The following TEC variants were observed in gnomAD, a reference collection of about 807,000 sequenced individuals.
TEC encodes tyrosine-protein kinase Tec.
In TEC, 72 loss-of-function variants were observed where a neutral mutation model predicts 93.0. That is an observed-to-expected ratio of 0.77 (90% CI 0.64 to 0.94). The LOEUF (loss-of-function observed/expected upper bound fraction) is 0.94. Among genes scored for constraint, TEC ranks in the 40% least tolerant of loss-of-function variants. TEC has a pLI of 0.00. For synonymous variants in TEC, 249 were observed against 247.7 expected (o/e 1.01, Z -0.05); for missense variants, 630 against 757.9 (o/e 0.83, Z 1.98).
At position 48,137,484 on chromosome 4, in the gene TEC, G is replaced by A; in HGVS notation, c.1828C>T (p.Pro610Ser). 1 of 1,613,998 alleles carries A rather than the reference G, an allele frequency of 6.2e-7. No individual in the cohort carries two copies. The highest frequency in any genetic ancestry group is 2.2e-5 in the East Asian group (1 of 44,878). The change falls in exon 18 of 18, where the codon CCT becomes TCT. Residue 610 changes from proline to serine, a missense_variant. Coordinates refer to ENST00000381501, the MANE Select transcript of TEC (RefSeq NM_003215.3). ...GTGCGCAGCAGATCTTCGAAAGAAG[G>A]CCTTCCCTCTGGTTTCTACAATTAA... ...RCWQEKPEGR[P>S]SFEDLLRTID...
intron 1 of TEC, among the ~76,000 whole-genome samples, chr4:48,237,824 GT>G (rs1002743447): frequency 1.3e-5 from 2 of 152,136 alleles, no homozygotes; most frequent in Non-Finnish European, 2.9e-5. Flanking sequence ...TTATGACAAA[GT>G]TACCATTTGC....
intron 2 of TEC, among the ~76,000 whole-genome samples, chr4:48,182,533 C>CTGTGTGTG (rs1398958542): frequency 4.2e-5 from 3 of 71,852 alleles, no homozygotes; most frequent in Non-Finnish European, 8.2e-5. Flanking sequence ...ATGGGCAATA[C>CTGTGTGTG]TCTGTGTGTG....
At position 48,135,986 on chromosome 4, in the gene TEC, G is replaced by A. The variant is rs975499030; in HGVS notation, c.*1430C>T. On this transcript the variant is annotated 3_prime_UTR_variant, in exon 18 of 18. Coordinates refer to ENST00000381501, the MANE Select transcript of TEC (RefSeq NM_003215.3). ...ACCCAATGCTCCAGAGCAGACCATCGTGGCCTGCAGAGGAGACGCAACTCC... is the reference window on the plus strand; with the variant it reads ...ACCCAATGCTCCAGAGCAGACCATCATGGCCTGCAGAGGAGACGCAACTCC... The A allele has an allele frequency of 2.6e-5, 4 of 152,352 alleles. No individual in the cohort carries two copies. Among genetic ancestry groups the A allele is most frequent in the Non-Finnish European group, 5.9e-5 (4 of 68,048 alleles). The allele number at this position is 152,352 out of a possible 1,614,324, so 9.4% of individuals were successfully genotyped here.
chr4:48,150,591 C>T (rs921017738), intron 10 of TEC, among the ~76,000 whole-genome samples: 2 of 152,134 alleles, frequency 1.3e-5, no homozygotes, highest in Non-Finnish European at 2.9e-5. Context: ...TATTTTTATC[C>T]TTAGTGACCA....
intron 2 of TEC, among the ~76,000 whole-genome samples, chr4:48,216,244 G>GAAAA (rs11332952): frequency 3.7e-5 from 5 of 136,312 alleles, no homozygotes; most frequent in East Asian, 4.4e-4. Flanking sequence ...TACGCCCCAG[G>GAAAA]AAAAAAAAAA....
Position 48,156,692 on chromosome 4 carries a change from G to A in TEC, c.780C>T (p.Leu260=). 3 of 1,611,822 alleles carry A rather than the reference G, an allele frequency of 1.9e-6. No homozygotes were observed. The highest frequency in any genetic ancestry group is 1.7e-5 in the Admixed American group (1 of 59,436). Residue 260 remains leucine, a synonymous_variant, in exon 9 of 18, where the codon CTC becomes CTT. Transcript: ENST00000381501. ...RNMNRSKAEQ[L]LRSEDKEGGF... Reference sequence around the variant, plus strand: ...TACAAACACTTACTTCACTGCGGAGGAGTTGCTCTGCCTTGCTTCTATTCA... The same window carrying A: ...TACAAACACTTACTTCACTGCGGAGAAGTTGCTCTGCCTTGCTTCTATTCA...
chr4:48,256,935 G>T (rs573020235), intron 1 of TEC, among the ~76,000 whole-genome samples: 2 of 152,182 alleles, frequency 1.3e-5, no homozygotes, highest in African/African-American at 4.8e-5. Flanking sequence ...GCCACCAATA[G>T]CTAATGAGCA....
In TEC at chr4:48,146,514, CTG is replaced by C. The variant is rs551402649; in HGVS notation, c.1007-117_1007-116del. ...CATTTATTCATTTACTGCTCATCCT[CTG>C]TGTGTACATACAGCACTCTGCTATA... On this transcript the variant is annotated intron_variant, in intron 11 of 17. Transcript: ENST00000381501. 58 of 886,216 alleles carry C rather than the reference CTG, an allele frequency of 6.5e-5. No individual in the cohort carries two copies. In the South Asian group the frequency reaches 8.1e-4, roughly 12 times the overall value. 54.9% of individuals were successfully genotyped at this position (886,216 alleles called of 1,614,324 possible).
At chr4:48,255,747 T>C (rs775776460) in intron 1 of TEC, among the ~76,000 whole-genome samples, 2 of 152,190 alleles carry the variant, frequency 1.3e-5, no homozygotes, top group Non-Finnish European at 2.9e-5. Context: ...TTAAATGAAA[T>C]AATTTACATA....
At chr4:48,189,159 T>C (rs926480729) in intron 2 of TEC, among the ~76,000 whole-genome samples, 1 of 152,182 alleles carries the variant, frequency 6.6e-6, no homozygotes, top group African/African-American at 2.4e-5. Flanking sequence ...ATATGGCAAA[T>C]TCATCTAAGT....
chr4:48,256,356 GTTGGATCGC>G (rs1007817661), intron 1 of TEC, among the ~76,000 whole-genome samples: 4 of 151,868 alleles, frequency 2.6e-5, no homozygotes, highest in Non-Finnish European at 1.5e-5. Context: ...GGCTGAGGCA[GTTGGATCGC>G]TTGAGCCTAG....
intron 2 of TEC, among the ~76,000 whole-genome samples, chr4:48,191,625 A>C (rs1420318919): frequency 3.9e-5 from 6 of 152,210 alleles, no homozygotes; most frequent in Admixed American, 6.5e-5. Context: ...TAATATTTTA[A>C]ATAACTATTT....
At chr4:48,185,580 T>G (rs1181325458) in intron 2 of TEC, among the ~76,000 whole-genome samples, 6 of 152,196 alleles carry the variant, frequency 3.9e-5, no homozygotes, top group Admixed American at 1.3e-4. Flanking sequence ...TAATAGTAAC[T>G]TATATGGGTG....
intron 2 of TEC, among the ~76,000 whole-genome samples, chr4:48,188,367 C>A (rs1721969211): frequency 6.6e-6 from 1 of 152,128 alleles, no homozygotes; most frequent in South Asian, 2.1e-4. Flanking sequence ...CTACTCAATG[C>A]CTCAGATTTT....
At chr4:48,265,777 T>C (rs1404128206) in intron 1 of TEC, among the ~76,000 whole-genome samples, 2 of 152,100 alleles carry the variant, frequency 1.3e-5, no homozygotes, top group African/African-American at 4.8e-5. Flanking sequence ...CCTCCCAAAG[T>C]GCTGGGATTA....
intron 1 of TEC, among the ~76,000 whole-genome samples, chr4:48,257,598 C>T (rs575740825): frequency 5.9e-5 from 9 of 152,284 alleles, no homozygotes; most frequent in African/African-American, 2.2e-4. Flanking sequence ...AGTAATCTTA[C>T]CCACCTCAAA....
At chr4:48,226,543 T>C (rs1047037146) in intron 2 of TEC, among the ~76,000 whole-genome samples, 1 of 152,194 alleles carries the variant, frequency 6.6e-6, no homozygotes, top group Non-Finnish European at 1.5e-5. Context: ...ATAGTAAATC[T>C]ATTTTCTCTT....
In TEC at chr4:48,188,570, C is replaced by T. The variant is rs552117674; in HGVS notation, c.139-12384G>A. Among the ~76,000 whole-genome samples, 7 of 152,262 alleles carry T rather than the reference C, an allele frequency of 4.6e-5. No homozygotes were observed. In the South Asian group the frequency reaches 1.5e-3, roughly 32 times the overall value. ...TAATTTAACAATTCAAGTGTTCTCT[C>T]TACACTGTATGAGTATTTAGAATAC... On this transcript the variant is annotated intron_variant, in intron 2 of 17. Transcript: ENST00000381501.
intron 4 of TEC, 62 bp downstream of exon 4, chr4:48,171,306 T>G: frequency 7.3e-7 from 1 of 1,372,788 alleles, no homozygotes; most frequent in Non-Finnish European, 1.0e-6. Context: ...ATTTCTGTCT[T>G]AATGATAACA....
Sources: gnomAD v4.1 joint callset for allele counts (sites outside exome capture counted in the v4.1 genomes callset) on GRCh38, gnomAD v4.1.1 for gene constraint, MANE v1.5 for transcripts, NCBI Gene and HGNC (gene_info 2026-07-23, HGNC 2026-07-21) for gene names.